The following EIF1AD variants were observed in gnomAD, a reference collection of about 807,000 sequenced individuals.
EIF1AD encodes eukaryotic translation initiation factor 1A domain containing.
A neutral mutation model predicts 21.7 loss-of-function variants in EIF1AD; 9 were observed. The ratio of observed to expected loss-of-function variants is 0.41; its 90% CI spans 0.25 to 0.72. The LOEUF is 0.72. EIF1AD is among the 30% of genes least tolerant of loss of function. The pLI, the probability that EIF1AD is intolerant of heterozygous loss-of-function variation, is 0.29. For synonymous variants in EIF1AD, 78 were observed against 70.9 expected (o/e 1.10, Z -0.50); for missense variants, 164 against 199.7 (o/e 0.82, Z 1.08).
intron 4 of EIF1AD, 73 bp from the exon 5 acceptor site, chr11:65,999,470 C>G: frequency 1.2e-6 from 2 of 1,610,758 alleles, no homozygotes; most frequent in African/African-American, 1.3e-5. Flanking sequence ...CCAGCTGTGT[C>G]TGCCTGGGAT....
chr11:65,998,732 G>C lies in EIF1AD; in HGVS notation c.365C>G (p.Pro122Arg), dbSNP rs770561920. 2 of 1,614,008 alleles carry C rather than the reference G, an allele frequency of 1.2e-6. No individual in the cohort carries two copies. The highest frequency in any genetic ancestry group is 2.7e-5 in the African/African-American group (2 of 74,914). Residue 122 changes from proline to arginine, a missense_variant, in exon 6 of 6, where the codon CCA (proline) becomes CGA (arginine). Pro to Arg is a moderately radical substitution (Grantham distance 103, BLOSUM62 -2). Transcript: ENST00000533544. ...KHNNRNRQTQPELPAEPQLSG... is the reference protein window; with the variant it reads ...KHNNRNRQTQRELPAEPQLSG... ...TAACTGTGGCTCAGCTGGGAGTTCT[G>C]GTTGAGTTTGTCTGCACGAAGGGAA...
intron 1 of EIF1AD, among the ~76,000 whole-genome samples, chr11:66,001,549 G>A (rs1387770412): frequency 1.3e-5 from 2 of 151,060 alleles, no homozygotes; most frequent in East Asian, 1.9e-4. Flanking sequence ...ATGCTCCAGA[G>A]AAGTCATCCT....
chr11:65,998,891 G>T, intron 5 of EIF1AD, 148 bp from the exon 6 acceptor site: 1 of 869,220 alleles, frequency 1.2e-6, no homozygotes, highest in Non-Finnish European at 1.8e-6. Flanking sequence ...ACACAGGAGA[G>T]CAAACAGTGG....
At chr11:66,000,839 A>G (rs1436978840) in intron 1 of EIF1AD, 1 of 169,004 alleles carries the variant, frequency 5.9e-6, no homozygotes, top group Non-Finnish European at 1.3e-5. Context: ...TAATATTATT[A>G]ACCCCTGACC....
intron 1 of EIF1AD, 105 bp from the exon 2 acceptor site, chr11:66,000,610 G>C (rs1387432763): frequency 8.9e-6 from 5 of 559,690 alleles, no homozygotes; most frequent in Non-Finnish European, 6.4e-6. Flanking sequence ...AACTTCTCTA[G>C]GTCCCAGAAA....
In EIF1AD at chr11:65,998,026, G is replaced by A. The variant is rs1855793151; in HGVS notation, c.*573C>T. 1 of 152,688 alleles carries A rather than the reference G, an allele frequency of 6.5e-6. No homozygotes were observed. The allele number at this position is 152,688 out of a possible 1,614,324, so 9.5% of individuals were successfully genotyped here. A position where few individuals can be genotyped will look rare whatever the true frequency, so the allele number is the denominator to read the frequency against. The stretch of plus-strand genomic sequence containing the variant: ...TGGGAGAGATGAGGTCGTATGTGGG[G>A]ATGGACACAGTAGCTGGAGGTGAGC... On this transcript the variant is annotated 3_prime_UTR_variant, in exon 6 of 6. Coordinates refer to ENST00000533544, the MANE Select transcript of EIF1AD (RefSeq NM_001242481.2).
chr11:66,000,412 T>G lies in EIF1AD; in HGVS notation c.-23A>C. 1 of 1,584,284 alleles carries G rather than the reference T, an allele frequency of 6.3e-7. No homozygotes were observed. The stretch of plus-strand genomic sequence containing the variant: ...CATGCTGAAGTCGTCCCACACTGGT[T>G]AGGAACGAAGAGACTGTCAACTCCT... On this transcript the variant is annotated 5_prime_UTR_variant, in exon 2 of 6. Transcript: ENST00000533544.
At chr11:66,001,688 G>C (rs2277305) in intron 1 of EIF1AD, among the ~76,000 whole-genome samples, 7,972 of 152,196 alleles carry the variant, frequency 0.052, 347 homozygotes, top group East Asian at 0.15. Context: ...AGACAAACTA[G>C]GTGGCCACCG....
intron 1 of EIF1AD, among the ~76,000 whole-genome samples, chr11:66,000,923 T>C (rs1370289573): frequency 1.3e-5 from 2 of 152,176 alleles, no homozygotes; most frequent in East Asian, 3.8e-4. Flanking sequence ...TTCTGTTAGC[T>C]GATGTATGTA....
chr11:65,999,827 G>A (rs534600248), intron 3 of EIF1AD, 152 bp from the exon 4 acceptor site: 1 of 665,032 alleles, frequency 1.5e-6, no homozygotes, highest in African/African-American at 1.8e-5. Context: ...CTGTTGCCCA[G>A]GCTGGCAAGC....
rs1188633632 is a variant in EIF1AD at position 66,000,471 on chromosome 11, C to G, written c.-82G>C. 2 of 1,400,998 alleles carry G rather than the reference C, an allele frequency of 1.4e-6. No individual in the cohort carries two copies. The highest frequency in any genetic ancestry group is 1.2e-5 in the South Asian group (1 of 80,870). 86.8% of individuals were successfully genotyped at this position (1,400,998 alleles called of 1,614,324 possible). On this transcript the variant is annotated 5_prime_UTR_variant, in exon 2 of 6. Transcript: ENST00000533544. Reference sequence around the variant, plus strand: ...GTTCCTTGGATGGCAGGCTCAGAACCCAGGACTGTTCTGAAGATGGGGAGG... The same window carrying G: ...GTTCCTTGGATGGCAGGCTCAGAACGCAGGACTGTTCTGAAGATGGGGAGG...
chr11:65,999,828 G>A (rs745535858), intron 3 of EIF1AD, 153 bp from the exon 4 acceptor site: 14 of 663,734 alleles, frequency 2.1e-5, no homozygotes, highest in Non-Finnish European at 3.6e-5. Context: ...TGTTGCCCAG[G>A]CTGGCAAGCA....
At chr11:65,999,232 T>C (rs916644742) in intron 5 of EIF1AD, 118 bp downstream of exon 5, 2 of 1,362,540 alleles carry the variant, frequency 1.5e-6, no homozygotes, top group Non-Finnish European at 2.1e-6. Context: ...ACCACATGCT[T>C]AGGAGCTCTC....
rs1038761394 is a variant in EIF1AD at position 65,996,679 on chromosome 11, A to C, written c.*1920T>G. On this transcript the variant is annotated 3_prime_UTR_variant, in exon 6 of 6. Transcript: ENST00000533544. ...AAGAGAAAGTAAATGAGAAACAGAC[A>C]AATGAAGTGGTAGCTGGAGGACGTG... 9.2e-5 allele frequency: 14 copies of C among 152,204 alleles called. 1 individual carries two copies. Among genetic ancestry groups the C allele is most frequent in the African/African-American group, 3.4e-4 (14 of 41,456 alleles). 9.4% of individuals were successfully genotyped at this position (152,204 alleles called of 1,614,324 possible).
chr11:66,000,245 G>A, intron 2 of EIF1AD, 58 bp downstream of exon 2: 1 of 1,604,728 alleles, frequency 6.2e-7, no homozygotes, highest in Non-Finnish European at 8.5e-7. Flanking sequence ...CCCACCCCAG[G>A]GGCCCTCCAG....
intron 3 of EIF1AD, 91 bp downstream of exon 3, chr11:65,999,962 C>A: frequency 5.7e-6 from 6 of 1,054,388 alleles, no homozygotes; most frequent in Non-Finnish European, 8.5e-6. Context: ...TTTGTAGAGA[C>A]AAGGTCTCAT....
chr11:66,000,547 G>A (rs1855908011), intron 1 of EIF1AD, 42 bp from the exon 2 acceptor site: 1 of 661,096 alleles, frequency 1.5e-6, no homozygotes, highest in Non-Finnish European at 2.6e-6. Context: ...CATGGGTTCT[G>A]AAGTCTAACT....
Position 65,999,539 on chromosome 11 carries a change from A to G in EIF1AD, c.305+28T>C, listed in dbSNP as rs776956968. ...GGAAGGCAATGCCTCCAGAAGCCAG[A>G]CAGCCAATGATCAAGGGGACCACCT... On this transcript the variant is annotated intron_variant, in intron 4 of 5. Coordinates refer to ENST00000533544, the MANE Select transcript of EIF1AD (RefSeq NM_001242481.2). The G allele has an allele frequency of 1.9e-6, 3 of 1,599,716 alleles. No homozygotes were observed. In the African/African-American group the frequency reaches 4.0e-5, roughly 21 times the overall value.
rs760664567 is a variant in EIF1AD, at chr11:66,000,069, G to T, written c.180C>A (p.Asn60Lys). Residue 60 changes from asparagine to lysine, a missense_variant, in exon 3 of 6, where the codon AAC (asparagine) becomes AAA (lysine). Coordinates refer to ENST00000533544, the MANE Select transcript of EIF1AD (RefSeq NM_001242481.2). ...LVSMPSKYRK[N>K]IWIKRGDFLI... ...TCCTCTCACCTCTCTTGATCCAGAT[G>T]TTCTTGCGGTATTTGGAGGGCATGC... The T allele has an allele frequency of 3.1e-6, 5 of 1,613,606 alleles. No individual in the cohort carries two copies. The highest frequency in any genetic ancestry group is 3.4e-6 in the Non-Finnish European group (4 of 1,179,526).
Sources: allele counts gnomAD v4.1 joint callset (sites outside exome capture counted in the v4.1 genomes callset), GRCh38; gene constraint gnomAD v4.1.1; transcripts MANE v1.5; gene names NCBI Gene and HGNC (gene_info 2026-07-23, HGNC 2026-07-21).